Variants in AKR1C4 observed in about 807,000 individuals in gnomAD.
The protein encoded by AKR1C4 is 3-alpha-HSD1.
A neutral mutation model predicts 41.0 loss-of-function variants in AKR1C4; 44 were observed. The ratio of observed to expected loss-of-function variants is 1.07; its 90% CI spans 0.84 to 1.38. AKR1C4 has a LOEUF of 1.38. AKR1C4 is among the 40% of genes most tolerant of loss of function. The pLI is 0.00. For missense variants in AKR1C4, 438 were observed against 387.9 expected (o/e 1.13, Z -1.09); for synonymous variants, 165 against 137.7 (o/e 1.20, Z -1.39).
intron 1 of AKR1C4, among the ~76,000 whole-genome samples, chr10:5,197,238 G>A (rs1832325367): frequency 6.6e-6 from 1 of 152,234 alleles, no homozygotes; most frequent in South Asian, 2.1e-4. Context: ...ACTCAACAGT[G>A]AAGAACACTG....
Position 5,200,267 on chromosome 10 carries a change from T to C in AKR1C4, c.171T>C (p.Asn57=). 6.2e-7 allele frequency: 1 copy of C among 1,614,178 alleles called. No homozygotes were observed. Among genetic ancestry groups the C allele is most frequent in the Non-Finnish European group, 8.5e-7 (1 of 1,179,990 alleles). Residue 57 remains asparagine (N), a synonymous_variant, in exon 2 of 9, where the codon AAT becomes AAC. Coordinates refer to ENST00000263126, the MANE Select transcript of AKR1C4 (RefSeq NM_001818.5). The part of the protein sequence containing the change: ...RHIDSAYLYN[N]EEQVGLAIRS... The stretch of plus-strand genomic sequence containing the variant: ...TTGATTCTGCTTATTTATACAATAA[T>C]GAGGAGCAGGTTGGACTGGCCATCC...
rs1367434080 is a variant in AKR1C4, at chr10:5,200,200, T to A, written c.104T>A (p.Val35Glu). ...CTTCAGGTTCCGAGGAACAGAGCTG[T>A]AGAGGTCACCAAATTAGCAATAGAA... ...APPEVPRNRAVEVTKLAIEAG... is the reference protein window; with the variant it reads ...APPEVPRNRAEEVTKLAIEAG... The change falls in exon 2 of 9, where the codon GTA (valine) becomes GAA (glutamate). Residue 35 changes from valine (V) to glutamate (E), a missense_variant. Transcript: ENST00000263126. 6.2e-7 allele frequency: 1 copy of A among 1,613,818 alleles called. No individual in the cohort carries two copies. The highest frequency in any genetic ancestry group is 8.5e-7 in the Non-Finnish European group (1 of 1,179,866).
At chr10:5,203,381 C>T (rs1357003181) in intron 2 of AKR1C4, among the ~76,000 whole-genome samples, 1 of 152,178 alleles carries the variant, frequency 6.6e-6, no homozygotes, top group African/African-American at 2.4e-5. Flanking sequence ...AATGGCTTCC[C>T]TCAGTCCATG....
chr10:5,214,420 A>G (rs1042551728), intron 7 of AKR1C4, among the ~76,000 whole-genome samples: 1 of 152,186 alleles, frequency 6.6e-6, no homozygotes, highest in African/African-American at 2.4e-5. Context: ...GTTCTGTTAC[A>G]TAACATTCAG....
chr10:5,214,660 A>G (rs1832628591), intron 7 of AKR1C4, among the ~76,000 whole-genome samples: 1 of 151,600 alleles, frequency 6.6e-6, no homozygotes, highest in African/African-American at 2.4e-5. Context: ...GAAAACTTAT[A>G]CTTTTAATAG....
intron 1 of AKR1C4, among the ~76,000 whole-genome samples, chr10:5,198,867 T>C (rs1016658800): frequency 6.6e-6 from 1 of 151,286 alleles, no homozygotes; most frequent in African/African-American, 2.4e-5. Flanking sequence ...CCAGGCATTA[T>C]CATGCCTGTC....
chr10:5,202,258 G>C (rs1470332404), intron 2 of AKR1C4, among the ~76,000 whole-genome samples: 2 of 151,956 alleles, frequency 1.3e-5, no homozygotes, highest in Non-Finnish European at 2.9e-5. Flanking sequence ...TATTCTTAGG[G>C]ATTTTATTTG....
At position 5,204,473 on chromosome 10, in the gene AKR1C4, C is replaced by T. The variant is rs368974638; in HGVS notation, c.349C>T (p.His117Tyr). The T allele has an allele frequency of 6.2e-7, 1 of 1,612,856 alleles. No homozygotes were observed. Among genetic ancestry groups the T allele is most frequent in the Non-Finnish European group, 8.5e-7 (1 of 1,178,860 alleles). Residue 117 changes from histidine to tyrosine, a missense_variant, in exon 3 of 9, where the codon CAT becomes TAT. By Grantham distance (83) the His-to-Tyr change is moderately conservative. Coordinates refer to ENST00000263126, the MANE Select transcript of AKR1C4 (RefSeq NM_001818.5). ...GGACTATGTTGACCTCTATCTTCTT[C>T]ATTTCCCAATGGCTCTCAAGGTAGG... ...QLDYVDLYLL[H>Y]FPMALKPGET...
intron 6 of AKR1C4, 52 bp downstream of exon 6, chr10:5,212,777 T>G (rs782423841): frequency 6.4e-7 from 1 of 1,573,830 alleles, no homozygotes; most frequent in Admixed American, 1.7e-5. Context: ...ATGAAAAATT[T>G]TAGTTATAGC....
In AKR1C4 at chr10:5,212,969, TCAG is replaced by T. The variant is rs782718055; in HGVS notation, c.681-22_681-20del. On this transcript the variant is annotated intron_variant, in intron 6 of 8. Transcript: ENST00000263126. ...CCAAACTGAATCCAGCCTCAAGACT[TCAG>T]CATTTCTGGCTTTCCTTCCAGGGTG... 4 of 1,612,168 alleles carry T rather than the reference TCAG, an allele frequency of 2.5e-6. No homozygotes were observed. In the South Asian group the frequency reaches 3.3e-5, roughly 13 times the overall value.
rs1218761221 is a variant in AKR1C4, at chr10:5,213,063, A to G, written c.750A>G (p.Gln250=). Residue 250 remains glutamine (Q), a synonymous_variant, in exon 7 of 9, where the codon CAA becomes CAG. Coordinates refer to ENST00000263126, the MANE Select transcript of AKR1C4 (RefSeq NM_001818.5). ...VLCALAKKHK[Q]TPALIALRYQ... is the part of the protein sequence containing the mutation. Reference sequence around the variant, plus strand: ...GTGCCTTAGCAAAGAAACACAAACAAACCCCAGCCCTGATTGCCCTGCGCT... The same window carrying G: ...GTGCCTTAGCAAAGAAACACAAACAGACCCCAGCCCTGATTGCCCTGCGCT... 5 of 1,614,040 alleles carry G rather than the reference A, an allele frequency of 3.1e-6. No individual in the cohort carries two copies. The highest frequency in any genetic ancestry group is 4.2e-6 in the Non-Finnish European group (5 of 1,180,032).
intron 7 of AKR1C4, among the ~76,000 whole-genome samples, chr10:5,214,594 G>A (rs1832627379): frequency 6.6e-6 from 1 of 152,162 alleles, no homozygotes; most frequent in Non-Finnish European, 1.5e-5. Flanking sequence ...GCTTCAATTA[G>A]TTACATAGCA....
chr10:5,204,116 AAC>A (rs782667915), intron 2 of AKR1C4, among the ~76,000 whole-genome samples: 2 of 152,204 alleles, frequency 1.3e-5, no homozygotes, highest in Non-Finnish European at 2.9e-5. Context: ...ATTTCTCTCA[AAC>A]ACAGTTCAGA....
intron 2 of AKR1C4, among the ~76,000 whole-genome samples, chr10:5,203,293 C>T (rs75332852): frequency 0.038 from 5,770 of 152,178 alleles, 159 homozygotes; most frequent in Non-Finnish European, 0.057. Context: ...GAGCTTCTTT[C>T]GATCTGTGAC....
intron 7 of AKR1C4, among the ~76,000 whole-genome samples, chr10:5,214,677 G>A (rs1398675852): frequency 1.3e-5 from 2 of 149,266 alleles, no homozygotes; most frequent in East Asian, 3.9e-4. Context: ...ATAGTCTTTG[G>A]ATAACTTTTT....
intron 7 of AKR1C4, 99 bp from the exon 8 acceptor site, chr10:5,216,612 T>C: frequency 2.5e-6 from 2 of 787,772 alleles, no homozygotes; most frequent in Non-Finnish European, 4.1e-6. Flanking sequence ...TATCAAGTAT[T>C]TTACATATTG....
intron 5 of AKR1C4, among the ~76,000 whole-genome samples, chr10:5,208,320 G>A (rs988705180): frequency 6.6e-6 from 1 of 151,468 alleles, no homozygotes; most frequent in Non-Finnish European, 1.5e-5. Context: ...TAAAATTTAT[G>A]TATTTGGTAA....
chr10:5,198,591 C>G (rs1193897854), intron 1 of AKR1C4, among the ~76,000 whole-genome samples: 5 of 152,176 alleles, frequency 3.3e-5, no homozygotes, highest in African/African-American at 1.2e-4. Flanking sequence ...AAATGTGATG[C>G]TGGAGGAAGT....
chr10:5,216,632 C>A, intron 7 of AKR1C4, 79 bp from the exon 8 acceptor site: 1 of 1,015,418 alleles, frequency 9.8e-7, no homozygotes, highest in East Asian at 2.5e-5. Context: ...GCCTCTACAC[C>A]CTACTGTGTG....
Sources: gnomAD v4.1 joint callset for allele counts (sites outside exome capture counted in the v4.1 genomes callset) on GRCh38, gnomAD v4.1.1 for gene constraint, MANE v1.5 for transcripts, NCBI Gene and HGNC (gene_info 2026-07-23, HGNC 2026-07-21) for gene names.